Variants in RNF13 observed in about 807,000 individuals in gnomAD.
RNF13 encodes the protein ring finger protein 13, also known as E3 ubiquitin-protein ligase RNF13.
RNF13 carries 19 observed loss-of-function variants against 37.7 expected under a neutral mutation model. The ratio of observed to expected loss-of-function variants is 0.50; its 90% CI spans 0.35 to 0.74. The LOEUF is 0.74. Ranked by LOEUF, RNF13 falls within the 30% of genes least tolerant of loss-of-function variation. The pLI, the probability that RNF13 is intolerant of heterozygous loss-of-function variation, is 0.01. For synonymous variants in RNF13, 144 were observed against 157.8 expected (o/e 0.91, Z 0.65); for missense variants, 375 against 453.0 (o/e 0.83, Z 1.56).
intron 7 of RNF13, among the ~76,000 whole-genome samples, chr3:149,914,160 G>T (rs1190146872): frequency 6.6e-6 from 1 of 152,046 alleles, no homozygotes; most frequent in African/African-American, 2.4e-5. Flanking sequence ...GCTGGATCTT[G>T]TGTTCCTTTG....
chr3:149,819,568 C>G (rs149683298), intron 1 of RNF13, among the ~76,000 whole-genome samples: 13 of 152,160 alleles, frequency 8.5e-5, no homozygotes, highest in Non-Finnish European at 1.0e-4. Flanking sequence ...ATGGGAGTGA[C>G]AGACCATTTA....
At chr3:149,876,607 T>C (rs1487754303) in intron 4 of RNF13, among the ~76,000 whole-genome samples, 1 of 152,036 alleles carries the variant, frequency 6.6e-6, no homozygotes, top group Admixed American at 6.6e-5. Flanking sequence ...CCATATGTGC[T>C]GAGCAGTCTC....
chr3:149,959,529 G>A (rs1420593498), intron 8 of RNF13, among the ~76,000 whole-genome samples: 1 of 152,158 alleles, frequency 6.6e-6, no homozygotes, highest in Non-Finnish European at 1.5e-5. Flanking sequence ...TAACCTGCAA[G>A]GTAAGTTAAT....
At chr3:149,868,778 T>A (rs945629429) in intron 3 of RNF13, among the ~76,000 whole-genome samples, 1 of 151,828 alleles carries the variant, frequency 6.6e-6, no homozygotes, top group Non-Finnish European at 1.5e-5. Flanking sequence ...TAGGATCCTC[T>A]CTTTGTCCTT....
chr3:149,917,703 T>C (rs764574699), intron 7 of RNF13, among the ~76,000 whole-genome samples: 2 of 152,242 alleles, frequency 1.3e-5, no homozygotes, highest in Non-Finnish European at 2.9e-5. Flanking sequence ...GAAAACATTG[T>C]ATGTTATGGA....
chr3:149,815,744 T>C (rs903883482), intron 1 of RNF13, among the ~76,000 whole-genome samples: 2 of 152,246 alleles, frequency 1.3e-5, no homozygotes, highest in Non-Finnish European at 2.9e-5. Context: ...CAGCATATGA[T>C]TGGTATTGTC....
At chr3:149,823,103 A>G (rs1182488514) in intron 1 of RNF13, among the ~76,000 whole-genome samples, 2 of 152,132 alleles carry the variant, frequency 1.3e-5, no homozygotes, top group African/African-American at 2.4e-5. Flanking sequence ...TAGCTTCACT[A>G]TTTAAGAGGT....
chr3:149,907,813 A>G (rs961917693), intron 6 of RNF13, among the ~76,000 whole-genome samples: 1 of 152,256 alleles, frequency 6.6e-6, no homozygotes, highest in Non-Finnish European at 1.5e-5. Flanking sequence ...AAGTGCTATA[A>G]TGATATCCTT....
intron 8 of RNF13, among the ~76,000 whole-genome samples, chr3:149,923,990 A>G (rs966032896): frequency 1.3e-5 from 2 of 152,130 alleles, no homozygotes; most frequent in Non-Finnish European, 2.9e-5. Flanking sequence ...AACAGACAGG[A>G]AAGTTATTGT....
Position 149,905,746 on chromosome 3 carries a change from T to C in RNF13, c.500+3584T>C, listed in dbSNP as rs183450867. 1.1e-3 allele frequency among the ~76,000 whole-genome samples: 173 copies of C among 152,258 alleles called. 2 individuals carry two copies. The East Asian group carries it at 0.016, about 14-fold the overall frequency. ...AGCTTGAAGAATGGATCCAATCATA[T>C]CTTTTTCCAAATAGCCATCAGTTAT... On this transcript the variant is annotated intron_variant, in intron 6 of 9. Coordinates refer to ENST00000392894, the MANE Select transcript of RNF13 (RefSeq NM_183381.3).
At chr3:149,865,954 T>C (rs757419535) in intron 3 of RNF13, among the ~76,000 whole-genome samples, 3 of 152,184 alleles carry the variant, frequency 2.0e-5, no homozygotes, top group African/African-American at 7.2e-5. Context: ...GGCTACCCCG[T>C]AGACAGAGCA....
intron 8 of RNF13, among the ~76,000 whole-genome samples, chr3:149,928,405 C>G (rs1718855231): frequency 1.3e-5 from 2 of 152,054 alleles, no homozygotes; most frequent in Non-Finnish European, 2.9e-5. Context: ...ATCCAGTTAT[C>G]TCAGCACCAT....
intron 6 of RNF13, among the ~76,000 whole-genome samples, chr3:149,904,602 C>T (rs1006525904): frequency 1.3e-5 from 2 of 152,046 alleles, no homozygotes; most frequent in African/African-American, 4.8e-5. Context: ...TTATTTGATT[C>T]ATTTGCTTTC....
chr3:149,910,386 A>C (rs1474304628), intron 6 of RNF13, among the ~76,000 whole-genome samples: 3 of 152,184 alleles, frequency 2.0e-5, no homozygotes, highest in African/African-American at 7.2e-5. Context: ...AGTGAAGTAA[A>C]AAGCTACTTG....
chr3:149,956,106 A>G (rs1721839100), intron 8 of RNF13, among the ~76,000 whole-genome samples: 1 of 152,146 alleles, frequency 6.6e-6, no homozygotes, highest in Admixed American at 6.6e-5. Context: ...ATCAAATCAT[A>G]TATAGCTATA....
intron 8 of RNF13, among the ~76,000 whole-genome samples, chr3:149,931,533 G>A (rs1719162796): frequency 6.6e-6 from 1 of 151,582 alleles, no homozygotes; most frequent in South Asian, 2.1e-4. Context: ...AAATTTCCCT[G>A]TACTGCTTTC....
chr3:149,960,162 A>C (rs1722245659), intron 9 of RNF13, 26 bp downstream of exon 9: 2 of 1,385,710 alleles, frequency 1.4e-6, no homozygotes, highest in South Asian at 2.4e-5. Context: ...TACTGCTTTG[A>C]ATTTACATAT....
At chr3:149,838,720 A>G (rs1182066764) in intron 1 of RNF13, among the ~76,000 whole-genome samples, 1 of 152,254 alleles carries the variant, frequency 6.6e-6, no homozygotes, top group Non-Finnish European at 1.5e-5. Context: ...AGAGGCTGCC[A>G]TGACAACCTC....
chr3:149,921,980 T>G (rs1251301028), intron 8 of RNF13, among the ~76,000 whole-genome samples: 1 of 152,138 alleles, frequency 6.6e-6, no homozygotes, highest in African/African-American at 2.4e-5. Flanking sequence ...TGACTTGTTT[T>G]TTTTTTCTTT....
Sources: allele counts gnomAD v4.1 joint callset (sites outside exome capture counted in the v4.1 genomes callset), GRCh38; gene constraint gnomAD v4.1.1; transcripts MANE v1.5; gene names NCBI Gene and HGNC (gene_info 2026-07-23, HGNC 2026-07-21).